The following NUBPL variants were observed in gnomAD, a reference collection of about 807,000 sequenced individuals.
NUBPL encodes NUBP iron-sulfur cluster assembly factor, mitochondrial, also known as iron-sulfur cluster transfer protein NUBPL.
NUBPL carries 31 observed loss-of-function variants against 45.7 expected under a neutral mutation model. That is an observed-to-expected ratio of 0.68 (90% CI 0.51 to 0.92). NUBPL has a LOEUF of 0.92. Ranked by LOEUF, NUBPL falls within the 40% of genes least tolerant of loss-of-function variation. The pLI is 0.00. For synonymous variants in NUBPL, 144 were observed against 140.9 expected (o/e 1.02, Z -0.15); for missense variants, 401 against 398.7 (o/e 1.01, Z -0.05).
At chr14:31,675,023 G>T (rs2036659946) in intron 6 of NUBPL, among the ~76,000 whole-genome samples, 1 of 151,986 alleles carries the variant, frequency 6.6e-6, no homozygotes, top group Non-Finnish European at 1.5e-5. Context: ...TGTAGTCCCA[G>T]CTACTCGGGA....
intron 4 of NUBPL, 118 bp downstream of exon 4, chr14:31,599,497 CACTT>C: frequency 2.9e-6 from 2 of 698,136 alleles, no homozygotes; most frequent in African/African-American, 1.8e-5. Context: ...TGTAAGTCCT[CACTT>C]AAGTTAGTAG....
At chr14:31,795,263 G>C (rs1449126414) in intron 7 of NUBPL, among the ~76,000 whole-genome samples, 6 of 149,526 alleles carry the variant, frequency 4.0e-5, no homozygotes, top group African/African-American at 1.5e-4. Flanking sequence ...TTCCAATTCT[G>C]TGAAGAAAGT....
chr14:31,602,421 A>G (rs902258864), intron 4 of NUBPL, among the ~76,000 whole-genome samples: 42 of 150,634 alleles, frequency 2.8e-4, no homozygotes, highest in African/African-American at 8.8e-4. Flanking sequence ...AAAAGCAGAC[A>G]TGGAAGACTG....
chr14:31,624,221 G>A (rs1164554387), intron 4 of NUBPL, among the ~76,000 whole-genome samples: 1 of 152,094 alleles, frequency 6.6e-6, no homozygotes, highest in African/African-American at 2.4e-5. Context: ...CTGAGAAAAA[G>A]GTCTCTGAAT....
At chr14:31,616,057 T>G (rs2139615002) in intron 4 of NUBPL, among the ~76,000 whole-genome samples, 1 of 152,302 alleles carries the variant, frequency 6.6e-6, no homozygotes, top group African/African-American at 2.4e-5. Flanking sequence ...GATGATGAGA[T>G]TTTTTTCATA....
intron 6 of NUBPL, among the ~76,000 whole-genome samples, chr14:31,693,800 TAAAAAA>T (rs60070958): frequency 5.3e-5 from 5 of 94,602 alleles, no homozygotes; most frequent in Non-Finnish European, 9.7e-5. Context: ...AAGACAAAAT[TAAAAAA>T]AAAAAAAAAA....
rs558681954 is a variant in NUBPL at position 31,722,060 on chromosome 14, AG to A, written c.513+48487del. 7.0e-3 allele frequency among the ~76,000 whole-genome samples: 1,064 copies of A among 152,188 alleles called. 10 individuals are homozygous for A. Among genetic ancestry groups the A allele is most frequent in the Non-Finnish European group, 0.011 (718 of 67,998 alleles). Reference sequence around the variant, plus strand: ...CGCCCAGGCTGGAGTGCAGTGGCACAGTCTTGGCTCACTGCAAGCTCCACCT... The same window carrying A: ...CGCCCAGGCTGGAGTGCAGTGGCACATCTTGGCTCACTGCAAGCTCCACCT... On this transcript the variant is annotated intron_variant, in intron 6 of 10. Coordinates refer to ENST00000281081, the MANE Select transcript of NUBPL (RefSeq NM_025152.3).
chr14:31,743,944 A>T (rs1300886333), intron 6 of NUBPL, among the ~76,000 whole-genome samples: 1 of 152,182 alleles, frequency 6.6e-6, no homozygotes, highest in Non-Finnish European at 1.5e-5. Context: ...GTCTCTTGCT[A>T]TTGTCAGGTT....
intron 6 of NUBPL, among the ~76,000 whole-genome samples, chr14:31,701,211 T>C (rs955121636): frequency 5.9e-5 from 9 of 152,058 alleles, no homozygotes; most frequent in Admixed American, 1.3e-4. Context: ...TGTGTCTAGC[T>C]GAAGGTTTGT....
At chr14:31,630,572 A>G (rs189757999) in intron 4 of NUBPL, among the ~76,000 whole-genome samples, 2 of 152,222 alleles carry the variant, frequency 1.3e-5, no homozygotes, top group African/African-American at 4.8e-5. Context: ...AAAGCCTAAA[A>G]TATTTATCAT....
intron 4 of NUBPL, among the ~76,000 whole-genome samples, chr14:31,606,099 C>CTTTTTTTTTTTTTTTTT (rs56899102): frequency 1.7e-5 from 2 of 120,520 alleles, no homozygotes; most frequent in African/African-American, 6.1e-5. Flanking sequence ...CTTTTCTTTT[C>CTTTTTTTTTTTTTTTTT]TTTTTTTTTT....
intron 4 of NUBPL, among the ~76,000 whole-genome samples, chr14:31,600,215 C>A (rs749848493): frequency 6.6e-6 from 1 of 152,180 alleles, no homozygotes; most frequent in Non-Finnish European, 1.5e-5. Context: ...AGCCACTACA[C>A]CTGGCCCACT....
chr14:31,752,049 C>T, intron 6 of NUBPL, among the ~76,000 whole-genome samples: 1 of 152,178 alleles, frequency 6.6e-6, no homozygotes, highest in East Asian at 1.9e-4. Flanking sequence ...GCCCCACCCA[C>T]AAAACCATTT....
intron 4 of NUBPL, among the ~76,000 whole-genome samples, chr14:31,651,854 G>A (rs2036014348): frequency 6.7e-6 from 1 of 150,298 alleles, no homozygotes; most frequent in South Asian, 2.1e-4. Context: ...AGCTGAGATA[G>A]TGCCACTGCA....
chr14:31,581,813 T>C (rs1007033152), intron 3 of NUBPL, among the ~76,000 whole-genome samples: 1 of 152,172 alleles, frequency 6.6e-6, no homozygotes, highest in Non-Finnish European at 1.5e-5. Flanking sequence ...TTTAAAGTTA[T>C]GAAACTGGGT....
intron 6 of NUBPL, among the ~76,000 whole-genome samples, chr14:31,735,891 A>G (rs139031639): frequency 6.6e-6 from 1 of 152,328 alleles, no homozygotes; most frequent in Admixed American, 6.5e-5. Context: ...AATCTTGGAT[A>G]GAAAGACATA....
chr14:31,849,303 C>T (rs539519352), intron 9 of NUBPL, among the ~76,000 whole-genome samples: 56 of 152,266 alleles, frequency 3.7e-4, no homozygotes, highest in Non-Finnish European at 7.5e-4. Context: ...TCTGAGAACG[C>T]TAAGTACCAT....
rs1247414389 is a variant in NUBPL at position 31,751,533 on chromosome 14, T to A, written c.514-36247T>A. Among the ~76,000 whole-genome samples, 4 of 152,366 alleles carry A rather than the reference T, an allele frequency of 2.6e-5. No homozygotes were observed. The East Asian group carries it at 7.7e-4, about 29-fold the overall frequency. On this transcript the variant is annotated intron_variant, in intron 6 of 10. Transcript: ENST00000281081. Reference sequence around the variant, plus strand: ...AATCTTTGACTCCATGTCTCACATTTAGGGCATGCTGATGCAAGGGGTGGG... The same window carrying A: ...AATCTTTGACTCCATGTCTCACATTAAGGGCATGCTGATGCAAGGGGTGGG...
chr14:31,680,767 A>G (rs1046138587), intron 6 of NUBPL, among the ~76,000 whole-genome samples: 4 of 152,082 alleles, frequency 2.6e-5, no homozygotes, highest in Non-Finnish European at 5.9e-5. Flanking sequence ...AATACGGTGT[A>G]AATAGTTATT....
Sources: gnomAD v4.1 joint callset for allele counts (sites outside exome capture counted in the v4.1 genomes callset) on GRCh38, gnomAD v4.1.1 for gene constraint, MANE v1.5 for transcripts, NCBI Gene and HGNC (gene_info 2026-07-23, HGNC 2026-07-21) for gene names.